The following MAPKAP1 variants were observed in gnomAD, a reference collection of about 807,000 sequenced individuals.
The protein encoded by MAPKAP1 is MAPK associated protein 1.
In MAPKAP1, 20 loss-of-function variants were observed where a neutral mutation model predicts 65.7. That is an observed-to-expected ratio of 0.30 (90% CI 0.21 to 0.44). MAPKAP1 has a LOEUF of 0.44. Ranked by LOEUF, MAPKAP1 falls within the 20% of genes least tolerant of loss-of-function variation. The probability of loss-of-function intolerance (pLI) is 1.00; values close to 1 mark genes in which losing one functional copy is unlikely to be tolerated. For missense variants in MAPKAP1, 423 were observed against 648.0 expected (o/e 0.65, Z 3.77); for synonymous variants, 222 against 244.3 (o/e 0.91, Z 0.85).
At chr9:125,557,934 G>A (rs1830786294) in intron 6 of MAPKAP1, among the ~76,000 whole-genome samples, 1 of 152,196 alleles carries the variant, frequency 6.6e-6, no homozygotes, top group Admixed American at 6.5e-5. Flanking sequence ...TCAGCTAACT[G>A]CTACCTCCGC....
chr9:125,583,360 A>G (rs921182877), intron 5 of MAPKAP1, among the ~76,000 whole-genome samples: 5 of 152,110 alleles, frequency 3.3e-5, no homozygotes, highest in Non-Finnish European at 7.4e-5. Context: ...CCTTGTAAGC[A>G]CCTGATTTTG....
intron 9 of MAPKAP1, among the ~76,000 whole-genome samples, chr9:125,473,697 C>T (rs1026950757): frequency 6.6e-6 from 1 of 152,168 alleles, no homozygotes; most frequent in Admixed American, 6.5e-5. Context: ...ACAGACTGAG[C>T]GCCCACTCTG....
chr9:125,590,550 T>C (rs1831926702), intron 4 of MAPKAP1, among the ~76,000 whole-genome samples: 2 of 151,636 alleles, frequency 1.3e-5, no homozygotes, highest in African/African-American at 4.8e-5. Flanking sequence ...CTGAGGAGGC[T>C]GAGGGAGGAG....
At chr9:125,585,491 G>A in intron 5 of MAPKAP1, 64 bp downstream of exon 5, 1 of 1,565,330 alleles carries the variant, frequency 6.4e-7, no homozygotes, top group Non-Finnish European at 8.7e-7. Flanking sequence ...AACCAGCCTA[G>A]AAGACACCTT....
chr9:125,683,623 C>CTAGTGAGCCT (rs1834888105), intron 1 of MAPKAP1, among the ~76,000 whole-genome samples: 1 of 152,168 alleles, frequency 6.6e-6, no homozygotes. Flanking sequence ...AGATCTTTCC[C>CTAGTGAGCCT]TAGTGAGCCT....
chr9:125,610,807 G>C (rs1832576949), intron 4 of MAPKAP1, among the ~76,000 whole-genome samples: 1 of 152,124 alleles, frequency 6.6e-6, no homozygotes, highest in Admixed American at 6.5e-5. Flanking sequence ...AGTGCCCCCA[G>C]GTTCTAGGTA....
chr9:125,653,145 C>T (rs1833939457), intron 4 of MAPKAP1, among the ~76,000 whole-genome samples: 2 of 152,206 alleles, frequency 1.3e-5, no homozygotes, highest in Non-Finnish European at 2.9e-5. Flanking sequence ...ATTTCTTTCA[C>T]AGATCAGGAC....
At chr9:125,459,498 AC>A (rs1853374978) in intron 10 of MAPKAP1, among the ~76,000 whole-genome samples, 1 of 152,114 alleles carries the variant, frequency 6.6e-6, no homozygotes, top group East Asian at 1.9e-4. Context: ...AGCCGAGATC[AC>A]GCCACTGCAC....
chr9:125,689,436 GA>G (rs911746619), intron 1 of MAPKAP1, among the ~76,000 whole-genome samples: 180 of 15,272 alleles, frequency 0.012, no homozygotes, highest in Non-Finnish European at 0.018. Context: ...CTCCATCTCG[GA>G]AAAAAAAAAA....
intron 6 of MAPKAP1, among the ~76,000 whole-genome samples, chr9:125,555,917 G>A (rs548298697): frequency 7.2e-5 from 11 of 152,090 alleles, no homozygotes; most frequent in Non-Finnish European, 1.3e-4. Context: ...AAACAAAGTC[G>A]GAGAAGAAAA....
chr9:125,626,359 C>T (rs1833119084), intron 4 of MAPKAP1, among the ~76,000 whole-genome samples: 1 of 152,218 alleles, frequency 6.6e-6, no homozygotes, highest in African/African-American at 2.4e-5. Context: ...GGGGCTCTAG[C>T]TCCCTCTGAC....
At chr9:125,465,796 C>G (rs2132985029) in intron 10 of MAPKAP1, among the ~76,000 whole-genome samples, 1 of 152,218 alleles carries the variant, frequency 6.6e-6, no homozygotes, top group East Asian at 1.9e-4. Flanking sequence ...GTGCAAACTC[C>G]TGGGGGGCAA....
intron 5 of MAPKAP1, among the ~76,000 whole-genome samples, chr9:125,583,583 T>C (rs538233989): frequency 3.9e-5 from 6 of 152,212 alleles, no homozygotes; most frequent in African/African-American, 9.6e-5. Flanking sequence ...GAGTCAGAGA[T>C]TGTTGGGTTT....
chr9:125,459,548 T>A (rs1203870231), intron 10 of MAPKAP1, among the ~76,000 whole-genome samples: 1 of 152,022 alleles, frequency 6.6e-6, no homozygotes, highest in African/African-American at 2.4e-5. Flanking sequence ...TGAACGAGAC[T>A]CCGTCTGCAA....
In MAPKAP1 at chr9:125,666,681, C is replaced by A. The variant is rs149002402; in HGVS notation, c.349+3137G>T. Among the ~76,000 whole-genome samples, 674 of 152,142 alleles carry A rather than the reference C, an allele frequency of 4.4e-3. 4 individuals are homozygous for A. The highest frequency in any genetic ancestry group is 9.0e-3 in the African/African-American group (373 of 41,504). On this transcript the variant is annotated intron_variant, in intron 3 of 11. Transcript: ENST00000265960. ...CCCATCCAAAACTCTCAATAAAGAT[C>A]AAAAAGATTTAGATGTGGCATTTCT...
Position 125,693,741 on chromosome 9 carries a change from GTA to G in MAPKAP1, c.-70+13228_-70+13229del, listed in dbSNP as rs755275899. Among the ~76,000 whole-genome samples, 382 of 113,238 alleles carry G rather than the reference GTA, an allele frequency of 3.4e-3. 3 individuals carry two copies. The highest frequency in any genetic ancestry group is 0.017 in the African/African-American group (331 of 19,686). 74.3% of individuals were successfully genotyped at this position (113,238 alleles called of 152,430 possible). Reference sequence around the variant, plus strand: ...TACACGTATATACACATATATACACGTATATATACACATATATACACGTATAT... The same window carrying G: ...TACACGTATATACACATATATACACGTATATACACATATATACACGTATAT... On this transcript the variant is annotated intron_variant, in intron 1 of 11. Transcript: ENST00000265960.
chr9:125,612,664 G>A (rs1277637190), intron 4 of MAPKAP1, among the ~76,000 whole-genome samples: 1 of 75,282 alleles, frequency 1.3e-5, no homozygotes, highest in Admixed American at 1.3e-4. Flanking sequence ...TGGGTAAATA[G>A]AGGCTCTATC....
At chr9:125,518,193 T>A (rs1829518400) in intron 7 of MAPKAP1, among the ~76,000 whole-genome samples, 1 of 152,226 alleles carries the variant, frequency 6.6e-6, no homozygotes. Context: ...ATATAAAAAA[T>A]TTCATACAAC....
chr9:125,538,845 T>C (rs1226065497), intron 7 of MAPKAP1, among the ~76,000 whole-genome samples: 1 of 152,196 alleles, frequency 6.6e-6, no homozygotes, highest in Non-Finnish European at 1.5e-5. Flanking sequence ...TAAGTGAATG[T>C]ACGACATAGC....
Sources: allele counts gnomAD v4.1 joint callset (sites outside exome capture counted in the v4.1 genomes callset), GRCh38; gene constraint gnomAD v4.1.1; transcripts MANE v1.5; gene names NCBI Gene and HGNC (gene_info 2026-07-23, HGNC 2026-07-21).